ADGRF5: variants seen among roughly 807,000 people sequenced by gnomAD.
ADGRF5 encodes the protein adhesion G protein-coupled receptor F5, also known as G-protein coupled receptor 116.
In ADGRF5, 75 loss-of-function variants were observed where a neutral mutation model predicts 132.3. The observed-to-expected ratio is 0.57, with a 90% CI of 0.47 to 0.69. ADGRF5 has a LOEUF of 0.69. ADGRF5 is among the 30% of genes least tolerant of loss of function. ADGRF5 has a pLI of 0.00. For synonymous variants in ADGRF5, 629 were observed against 597.6 expected (o/e 1.05, Z -0.77); for missense variants, 1,516 against 1,630.6 (o/e 0.93, Z 1.21).
Position 46,900,025 on chromosome 6 carries a change from A to G in ADGRF5, c.157+4T>C. ...AAGGGATTGCCAAGCAAGAGTTTAC[A>G]TACCGGCTCGTTTTTGCCTCAGTGC... On this transcript the variant is annotated splice_donor_region_variant and intron_variant, in intron 3 of 20. Coordinates refer to ENST00000283296, the MANE Select transcript of ADGRF5 (RefSeq NM_001098518.2). The G allele has an allele frequency of 6.2e-7, 1 of 1,602,552 alleles. No individual in the cohort carries two copies. Among genetic ancestry groups the G allele is most frequent in the Non-Finnish European group, 8.6e-7 (1 of 1,169,422 alleles).
Position 46,893,169 on chromosome 6 carries a change from C to A in ADGRF5, c.158-4664G>T, listed in dbSNP as rs1048167284. On this transcript the variant is annotated intron_variant, in intron 3 of 20. Transcript: ENST00000283296. The stretch of plus-strand genomic sequence containing the variant: ...AGTAAGGGATGAACCAGGAAGCTCT[C>A]TGGATAATGTCACTCTAGGAATAGT... Among the ~76,000 whole-genome samples the A allele has an allele frequency of 4.8e-5, 7 of 145,420 alleles. No individual in the cohort carries two copies. In the Admixed American group the frequency reaches 5.1e-4, roughly 11 times the overall value.
intron 1 of ADGRF5, among the ~76,000 whole-genome samples, chr6:46,934,303 T>C (rs577089343): frequency 1.5e-3 from 236 of 152,286 alleles, no homozygotes; most frequent in Non-Finnish European, 2.7e-3. Context: ...TTCTGGACCA[T>C]GGAGATATCT....
intron 1 of ADGRF5, among the ~76,000 whole-genome samples, chr6:46,950,869 C>A (rs1582092788): frequency 6.6e-6 from 1 of 152,296 alleles, no homozygotes; most frequent in East Asian, 1.9e-4. Context: ...AATCTTCTTA[C>A]AACTTTGTGC....
At chr6:46,907,086 G>C (rs1268942183) in intron 1 of ADGRF5, among the ~76,000 whole-genome samples, 1 of 152,156 alleles carries the variant, frequency 6.6e-6, no homozygotes, top group Non-Finnish European at 1.5e-5. Context: ...AAAAGACTCA[G>C]AGAACACTAT....
chr6:46,865,117 C>T lies in ADGRF5; in HGVS notation c.1915G>A (p.Asp639Asn). The T allele has an allele frequency of 6.2e-7, 1 of 1,610,630 alleles. No individual in the cohort carries two copies. Among genetic ancestry groups the T allele is most frequent in the Non-Finnish European group, 8.5e-7 (1 of 1,176,750 alleles). The change falls in exon 14 of 21, where the codon GAT (aspartate) becomes AAT (asparagine). Residue 639 changes from aspartate to asparagine, a missense_variant. By Grantham distance (23) the Asp-to-Asn change is conservative. This residue lies in a region of ADGRF5 where 945 missense variants were observed against 929.4 expected (regional missense o/e 1.02). Transcript: ENST00000283296. Reference protein sequence around the residue: ...SSVSWCSKTVDVCCHFTNAAN... With the variant: ...SSVSWCSKTVNVCCHFTNAAN... Reference sequence around the variant, plus strand: ...GCATTGGTAAAGTGACAACACACATCAACAGTTTTTGAACACCAGGAAACT... The same window carrying T: ...GCATTGGTAAAGTGACAACACACATTAACAGTTTTTGAACACCAGGAAACT...
intron 3 of ADGRF5, among the ~76,000 whole-genome samples, chr6:46,895,051 C>T (rs1213723089): frequency 1.3e-5 from 2 of 151,986 alleles, no homozygotes; most frequent in African/African-American, 4.8e-5. Flanking sequence ...GTGGCATGCA[C>T]CTGTAATTCC....
At chr6:46,885,213 A>G (rs1435269659) in intron 4 of ADGRF5, among the ~76,000 whole-genome samples, 1 of 149,768 alleles carries the variant, frequency 6.7e-6, no homozygotes, top group Non-Finnish European at 1.5e-5. Context: ...AAAAAAAAAG[A>G]AAAAGAAAAA....
upstream of ADGRF5, among the ~76,000 whole-genome samples, chr6:46,922,919 A>G (rs1777054067): frequency 6.6e-6 from 1 of 152,024 alleles, no homozygotes; most frequent in Non-Finnish European, 1.5e-5. Flanking sequence ...ACTTGACCCT[A>G]TTGAGATTCA....
At chr6:46,948,372 T>C (rs1256183217) in intron 1 of ADGRF5, among the ~76,000 whole-genome samples, 3 of 152,072 alleles carry the variant, frequency 2.0e-5, no homozygotes, top group Non-Finnish European at 4.4e-5. Flanking sequence ...GGATGTGAGA[T>C]CTGTTATGCC....
intron 15 of ADGRF5, among the ~76,000 whole-genome samples, chr6:46,861,504 T>C (rs1381787983): frequency 6.6e-6 from 1 of 152,078 alleles, no homozygotes; most frequent in Non-Finnish European, 1.5e-5. Flanking sequence ...TTGATAGATG[T>C]TCCAACCCAG....
chr6:46,877,167 C>T (rs1771751115), intron 10 of ADGRF5, among the ~76,000 whole-genome samples: 1 of 152,174 alleles, frequency 6.6e-6, no homozygotes, highest in Non-Finnish European at 1.5e-5. Context: ...TATAGTTTGG[C>T]CAAGACAGAC....
intron 11 of ADGRF5, among the ~76,000 whole-genome samples, chr6:46,869,778 A>G (rs910733714): frequency 6.6e-6 from 1 of 152,240 alleles, no homozygotes; most frequent in Non-Finnish European, 1.5e-5. Flanking sequence ...CACTAACCTA[A>G]TAATTACACC....
At chr6:46,907,434 G>T (rs980378) in intron 1 of ADGRF5, among the ~76,000 whole-genome samples, 47,957 of 151,652 alleles carry the variant, frequency 0.32, 8,308 homozygotes, top group African/African-American at 0.45. Context: ...TGAATTCCTG[G>T]CCTCAAGCAA....
At chr6:46,905,150 A>T (rs1297635064) in intron 2 of ADGRF5, 1 of 152,276 alleles carries the variant, frequency 6.6e-6, no homozygotes, top group Non-Finnish European at 1.5e-5. Flanking sequence ...CATTGCTGAG[A>T]TCACCTCAGG....
chr6:46,880,661 C>A (rs1035651847), intron 8 of ADGRF5, among the ~76,000 whole-genome samples: 5 of 152,230 alleles, frequency 3.3e-5, no homozygotes, highest in Non-Finnish European at 4.4e-5. Context: ...TCTGGCCGAG[C>A]CTTAGTTCCA....
chr6:46,899,981 C>T (rs562133736), intron 3 of ADGRF5, 48 bp downstream of exon 3: 2 of 1,347,548 alleles, frequency 1.5e-6, no homozygotes, highest in East Asian at 2.3e-5. Context: ...CAACACATAC[C>T]ATTTGAGTCA....
At chr6:46,902,680 C>T (rs1774894719) in intron 2 of ADGRF5, among the ~76,000 whole-genome samples, 1 of 152,116 alleles carries the variant, frequency 6.6e-6, no homozygotes, top group Non-Finnish European at 1.5e-5. Context: ...ACTTTCAGGC[C>T]ACATCTTTGC....
chr6:46,861,044 T>C, intron 15 of ADGRF5, 150 bp from the exon 16 acceptor site: 1 of 613,148 alleles, frequency 1.6e-6, no homozygotes. Flanking sequence ...GATGTGCTTA[T>C]CCCTTAAGCA....
chr6:46,923,187 A>G (rs188485459), upstream of ADGRF5, among the ~76,000 whole-genome samples: 2 of 152,298 alleles, frequency 1.3e-5, no homozygotes, highest in East Asian at 3.9e-4. Flanking sequence ...CGGCCTCCCA[A>G]AGTGCTGGGA....
Sources: allele counts gnomAD v4.1 joint callset (sites outside exome capture counted in the v4.1 genomes callset), GRCh38; gene constraint gnomAD v4.1.1; regional missense constraint gnomAD v4.1.1; transcripts MANE v1.5; gene names NCBI Gene and HGNC (gene_info 2026-07-23, HGNC 2026-07-21).